TMEM132D: variants seen among roughly 807,000 people sequenced by gnomAD.
TMEM132D encodes mature OL transmembrane protein.
A neutral mutation model predicts 62.3 loss-of-function variants in TMEM132D; 21 were observed. The ratio of observed to expected loss-of-function variants is 0.34; its 90% CI spans 0.24 to 0.49. The LOEUF is 0.49. Ranked by LOEUF, TMEM132D falls within the 20% of genes least tolerant of loss-of-function variation. The probability of loss-of-function intolerance (pLI) is 0.99; values close to 1 mark genes in which losing one functional copy is unlikely to be tolerated. For synonymous variants in TMEM132D, 621 were observed against 575.6 expected (o/e 1.08, Z -1.13); for missense variants, 1,346 against 1,402.8 (o/e 0.96, Z 0.65).
chr12:129,348,255 C>T (rs187655602), intron 3 of TMEM132D, among the ~76,000 whole-genome samples: 71 of 152,300 alleles, frequency 4.7e-4, no homozygotes, highest in East Asian at 1.9e-3. Flanking sequence ...CACATGCACA[C>T]GTATGTTTAT....
At chr12:129,479,374 G>A (rs1044177986) in intron 3 of TMEM132D, among the ~76,000 whole-genome samples, 1 of 152,028 alleles carries the variant, frequency 6.6e-6, no homozygotes, top group Non-Finnish European at 1.5e-5. Context: ...TTTATTACTA[G>A]TTGAACTTCT....
intron 1 of TMEM132D, among the ~76,000 whole-genome samples, chr12:129,783,344 T>C (rs1393325040): frequency 8.5e-5 from 13 of 152,186 alleles, no homozygotes; most frequent in Admixed American, 8.5e-4. Flanking sequence ...AGTCTCATGT[T>C]CAGAGACACG....
intron 4 of TMEM132D, among the ~76,000 whole-genome samples, chr12:129,303,576 C>T (rs906916848): frequency 7.1e-6 from 1 of 140,374 alleles, no homozygotes. Context: ...CATCATCACT[C>T]GCCGGGACTC....
chr12:129,830,511 A>T (rs1164863938), intron 1 of TMEM132D, among the ~76,000 whole-genome samples: 1 of 151,988 alleles, frequency 6.6e-6, no homozygotes, highest in African/African-American at 2.4e-5. Flanking sequence ...TCTCTCACCT[A>T]CCTGTAACCT....
chr12:129,813,770 T>C (rs1872264104), intron 1 of TMEM132D, among the ~76,000 whole-genome samples: 1 of 151,966 alleles, frequency 6.6e-6, no homozygotes, highest in South Asian at 2.1e-4. Context: ...TTCATTGATA[T>C]TGGGCACTGA....
At chr12:129,665,213 G>A (rs1880348738) in intron 2 of TMEM132D, among the ~76,000 whole-genome samples, 1 of 152,036 alleles carries the variant, frequency 6.6e-6, no homozygotes, top group Non-Finnish European at 1.5e-5. Context: ...GGGCATCTTG[G>A]GGGTGGCAAT....
chr12:129,117,600 T>A (rs1875934157), intron 5 of TMEM132D, among the ~76,000 whole-genome samples: 1 of 152,154 alleles, frequency 6.6e-6, no homozygotes, highest in Non-Finnish European at 1.5e-5. Flanking sequence ...AGGTCAAAGC[T>A]GGGACCCAGC....
intron 3 of TMEM132D, among the ~76,000 whole-genome samples, chr12:129,411,796 G>A (rs188758518): frequency 2.0e-5 from 3 of 152,124 alleles, no homozygotes; most frequent in South Asian, 2.1e-4. Flanking sequence ...CGCTTTCATC[G>A]GCAGTCCGTC....
chr12:129,726,542 G>A (rs1290189677), intron 1 of TMEM132D, among the ~76,000 whole-genome samples: 1 of 152,106 alleles, frequency 6.6e-6, no homozygotes, highest in African/African-American at 2.4e-5. Context: ...GATCACAAAG[G>A]GTCTGTGGAC....
intron 3 of TMEM132D, among the ~76,000 whole-genome samples, chr12:129,519,825 T>C (rs530734840): frequency 7.9e-4 from 120 of 152,062 alleles, no homozygotes; most frequent in Non-Finnish European, 1.4e-3. Context: ...GCCAGGCTGG[T>C]CCCCAACTCC....
chr12:129,185,541 ATTATT>A (rs1045986685), intron 5 of TMEM132D, among the ~76,000 whole-genome samples: 3 of 151,690 alleles, frequency 2.0e-5, no homozygotes, highest in Non-Finnish European at 4.4e-5. Context: ...CTTTTATTTT[ATTATT>A]TTATTTTAAT....
chr12:129,810,606 A>T (rs1872144397), intron 1 of TMEM132D, among the ~76,000 whole-genome samples: 1 of 152,118 alleles, frequency 6.6e-6, no homozygotes, highest in East Asian at 1.9e-4. Context: ...GCCTTACCAT[A>T]CAGAAAGTAG....
intron 4 of TMEM132D, among the ~76,000 whole-genome samples, chr12:129,301,952 A>C (rs1881725552): frequency 6.6e-6 from 1 of 152,050 alleles, no homozygotes; most frequent in African/African-American, 2.4e-5. Flanking sequence ...AGACTATAAT[A>C]GCACCAATAG....
chr12:129,882,598 T>G (rs80113325), intron 1 of TMEM132D, among the ~76,000 whole-genome samples: 2,158 of 152,268 alleles, frequency 0.014, 55 homozygotes, highest in African/African-American at 0.049. Flanking sequence ...AAGAAGGACA[T>G]TAAATGCTCC....
rs1006817628 is a variant in TMEM132D at position 129,514,244 on chromosome 12, C to T, written c.1115+16815G>A. On this transcript the variant is annotated intron_variant, in intron 3 of 8. Transcript: ENST00000422113. ...TTGTTTCCTGCACCCATAATTCTAT[C>T]GCTGCCACCACCACCACCAGCATCT... Among the ~76,000 whole-genome samples, 3 of 152,146 alleles carry T rather than the reference C, an allele frequency of 2.0e-5. No homozygotes were observed. In the South Asian group the frequency reaches 6.2e-4, roughly 32 times the overall value.
chr12:129,472,784 C>A (rs1466498598), intron 3 of TMEM132D, among the ~76,000 whole-genome samples: 1 of 152,176 alleles, frequency 6.6e-6, no homozygotes, highest in East Asian at 1.9e-4. Context: ...GAGTAAAATG[C>A]TATCAAATAG....
chr12:129,730,779 T>C (rs998635582), intron 1 of TMEM132D, among the ~76,000 whole-genome samples: 1 of 151,776 alleles, frequency 6.6e-6, no homozygotes, highest in African/African-American at 2.4e-5. Context: ...ACTGGCTGAG[T>C]CTCCTGGCCT....
intron 5 of TMEM132D, among the ~76,000 whole-genome samples, chr12:129,205,605 A>G (rs1406552855): frequency 6.6e-6 from 1 of 152,186 alleles, no homozygotes; most frequent in East Asian, 1.9e-4. Flanking sequence ...TAGACAAATC[A>G]TTGAAGCAGA....
At chr12:129,146,781 C>T (rs959127459) in intron 5 of TMEM132D, among the ~76,000 whole-genome samples, 2 of 152,124 alleles carry the variant, frequency 1.3e-5, no homozygotes, top group Non-Finnish European at 2.9e-5. Context: ...CAACAGGTTA[C>T]GGTGACGAGC....
Sources: gnomAD v4.1 joint callset for allele counts (sites outside exome capture counted in the v4.1 genomes callset) on GRCh38, gnomAD v4.1.1 for gene constraint, MANE v1.5 for transcripts, NCBI Gene and HGNC (gene_info 2026-07-23, HGNC 2026-07-21) for gene names.